The following CEP85L variants were observed in gnomAD, a reference collection of about 807,000 sequenced individuals.
CEP85L encodes the protein centrosomal protein of 85 kDa-like.
CEP85L carries 60 observed loss-of-function variants against 100.3 expected under a neutral mutation model. The ratio of observed to expected loss-of-function variants is 0.60; its 90% confidence interval spans 0.49 to 0.74. The LOEUF (loss-of-function observed/expected upper bound fraction) is 0.74, where lower values mean the gene tolerates loss of function less well. Ranked by LOEUF, CEP85L falls within the 30% of genes least tolerant of loss-of-function variation. The pLI, the probability that CEP85L is intolerant of heterozygous loss-of-function variation, is 0.00. For missense variants in CEP85L, 973 were observed against 936.2 expected (o/e 1.04, Z -0.51); for synonymous variants, 319 against 322.7 (o/e 0.99, Z 0.12).
intron 3 of CEP85L, among the ~76,000 whole-genome samples, chr6:118,557,788 G>C (rs1213299819): frequency 6.6e-6 from 1 of 152,116 alleles, no homozygotes; most frequent in African/African-American, 2.4e-5. Context: ...GACAATAAAC[G>C]CTATGGCACA....
intron 2 of CEP85L, among the ~76,000 whole-genome samples, chr6:118,586,284 T>C (rs1458488575): frequency 6.6e-6 from 1 of 152,238 alleles, no homozygotes; most frequent in Non-Finnish European, 1.5e-5. Flanking sequence ...TTTGAAATGC[T>C]GTATGGACAC....
chr6:118,465,401 T>C lies in CEP85L; in HGVS notation c.*4A>G. 6.2e-7 allele frequency: 1 copy of C among 1,612,230 alleles called. No individual in the cohort carries two copies. Among genetic ancestry groups the C allele is most frequent in the East Asian group, 2.2e-5 (1 of 44,848 alleles). On this transcript the variant is annotated 3_prime_UTR_variant, in exon 13 of 13. Transcript: ENST00000368491. ...GTCATTATTGCTGTGGGACTAACAC[T>C]TGATCACTGAGTAATGCAGTTGTCT...
At chr6:118,621,663 A>G (rs1773452120) in intron 2 of CEP85L, among the ~76,000 whole-genome samples, 1 of 152,250 alleles carries the variant, frequency 6.6e-6, no homozygotes, top group Non-Finnish European at 1.5e-5. Context: ...TATTTAAGTC[A>G]GAGGCCCAGC....
intron 3 of CEP85L, among the ~76,000 whole-genome samples, chr6:118,554,352 G>A (rs1778726452): frequency 6.6e-6 from 1 of 152,074 alleles, no homozygotes; most frequent in Non-Finnish European, 1.5e-5. Context: ...TCATTATGTT[G>A]CCCAAGCTGG....
At chr6:118,707,979 GA>G (rs1777653475) in intron 1 of CEP85L, among the ~76,000 whole-genome samples, 2 of 132,874 alleles carry the variant, frequency 1.5e-5, no homozygotes, top group African/African-American at 5.7e-5. Flanking sequence ...TTGGGGGGGG[GA>G]CGGGGGGGAA....
In CEP85L at chr6:118,491,877, G is replaced by C; in HGVS notation, c.1258-12C>G. The C allele has an allele frequency of 6.4e-7, 1 of 1,563,752 alleles. No individual in the cohort carries two copies. The highest frequency in any genetic ancestry group is 2.3e-5 in the East Asian group (1 of 44,270). Reference sequence around the variant, plus strand: ...TTCTCATATTGTGGCTGTTAGGAAAGAAAAAAAGGAGGTAAGACTTTAAAA... The same window carrying C: ...TTCTCATATTGTGGCTGTTAGGAAACAAAAAAAGGAGGTAAGACTTTAAAA... On this transcript the variant is annotated splice_polypyrimidine_tract_variant and intron_variant, in intron 5 of 12. Transcript: ENST00000368491.
chr6:118,530,860 C>CA (rs34433730), intron 3 of CEP85L, among the ~76,000 whole-genome samples: 157 of 143,442 alleles, frequency 1.1e-3, no homozygotes, highest in East Asian at 4.2e-3. Context: ...GAGATGATTC[C>CA]AAAAAAAAAA....
intron 6 of CEP85L, among the ~76,000 whole-genome samples, chr6:118,488,656 G>A (rs1774350787): frequency 6.6e-6 from 1 of 152,166 alleles, no homozygotes; most frequent in Non-Finnish European, 1.5e-5. Flanking sequence ...AAATATGTGT[G>A]TGTGGGAGGG....
At chr6:118,503,719 T>C (rs192483384) in intron 5 of CEP85L, among the ~76,000 whole-genome samples, 20 of 150,718 alleles carry the variant, frequency 1.3e-4, no homozygotes, top group Non-Finnish European at 2.4e-4. Context: ...TGCTGAACAA[T>C]TGGACATCCA....
At chr6:118,507,317 G>GTCT (rs1203375392) in intron 5 of CEP85L, among the ~76,000 whole-genome samples, 2 of 152,148 alleles carry the variant, frequency 1.3e-5, no homozygotes, top group African/African-American at 4.8e-5. Flanking sequence ...TTAATCAACA[G>GTCT]TCTTCTTCTC....
chr6:118,480,365 T>C (rs1773687513), intron 9 of CEP85L, 31 bp downstream of exon 9: 6 of 1,226,956 alleles, frequency 4.9e-6, no homozygotes, highest in Non-Finnish European at 6.0e-6. Context: ...TAGCATAGAT[T>C]TCACGTTTAT....
chr6:118,640,665 C>T (rs575121777), intron 1 of CEP85L, among the ~76,000 whole-genome samples: 13 of 152,220 alleles, frequency 8.5e-5, no homozygotes, highest in South Asian at 8.3e-4. Context: ...GTGCGGATTA[C>T]AGGCACACAC....
chr6:118,517,697 ACTTCCTCT>A (rs1159568387), intron 4 of CEP85L, among the ~76,000 whole-genome samples: 5 of 152,180 alleles, frequency 3.3e-5, no homozygotes, highest in Non-Finnish European at 7.3e-5. Flanking sequence ...AGACAATTTG[ACTTCCTCT>A]CTTCCTATCT....
At chr6:118,491,482 A>G in intron 6 of CEP85L, 2 of 1,328,620 alleles carry the variant, frequency 1.5e-6, no homozygotes, top group South Asian at 2.2e-5. Flanking sequence ...TTAGAAAGAT[A>G]TACAAGAGCA....
intron 3 of CEP85L, among the ~76,000 whole-genome samples, chr6:118,529,382 T>C (rs1024167244): frequency 3.3e-5 from 5 of 151,884 alleles, no homozygotes; most frequent in East Asian, 1.9e-4. Flanking sequence ...CCAAGGTGGG[T>C]GGATCACAAG....
intron 2 of CEP85L, among the ~76,000 whole-genome samples, chr6:118,630,751 C>T (rs941000971): frequency 1.5e-4 from 23 of 152,196 alleles, no homozygotes; most frequent in African/African-American, 5.3e-4. Flanking sequence ...AAACCAGCAC[C>T]GGTCAGTGGC....
At chr6:118,468,062 G>A (rs565489015) in intron 12 of CEP85L, among the ~76,000 whole-genome samples, 5 of 152,254 alleles carry the variant, frequency 3.3e-5, no homozygotes, top group African/African-American at 7.2e-5. Flanking sequence ...TGTTTACTCC[G>A]TGAGTGAATA....
intron 2 of CEP85L, chr6:118,589,584 A>G (rs1562288490): frequency 7.7e-6 from 2 of 259,802 alleles, no homozygotes; most frequent in Non-Finnish European, 1.7e-5. Flanking sequence ...TGCGAGAGAG[A>G]AAGTATCTAG....
chr6:118,525,809 A>C (rs1190471672), intron 3 of CEP85L, among the ~76,000 whole-genome samples: 7 of 152,262 alleles, frequency 4.6e-5, no homozygotes, highest in Non-Finnish European at 1.0e-4. Context: ...ATCAAATAGG[A>C]ACACAGTTCT....
Sources: allele counts gnomAD v4.1 joint callset (sites outside exome capture counted in the v4.1 genomes callset), GRCh38; gene constraint gnomAD v4.1.1; transcripts MANE v1.5; gene names NCBI Gene and HGNC (gene_info 2026-07-23, HGNC 2026-07-21).